Variants in LRRC4C observed in about 807,000 individuals in gnomAD.
LRRC4C encodes leucine rich repeat containing 4C.
A neutral mutation model predicts 33.6 loss-of-function variants in LRRC4C; 5 were observed. The observed-to-expected ratio is 0.15, with a 90% CI of 0.08 to 0.31. LRRC4C has a LOEUF of 0.31. Ranked by LOEUF, LRRC4C falls within the 10% of genes least tolerant of loss-of-function variation. The pLI, the probability that LRRC4C is intolerant of heterozygous loss-of-function variation, is 1.00. For synonymous variants in LRRC4C, 329 were observed against 302.0 expected (o/e 1.09, Z -0.93); for missense variants, 560 against 796.7 (o/e 0.70, Z 3.58).
At chr11:41,272,625 G>T (rs960807750) in intron 1 of LRRC4C, among the ~76,000 whole-genome samples, 5 of 151,886 alleles carry the variant, frequency 3.3e-5, no homozygotes, top group African/African-American at 9.7e-5. Flanking sequence ...TTCATAGCAC[G>T]TATTAAAAAA....
intron 1 of LRRC4C, among the ~76,000 whole-genome samples, chr11:41,296,940 G>A (rs1385416015): frequency 3.3e-5 from 5 of 152,166 alleles, no homozygotes; most frequent in Admixed American, 6.5e-5. Context: ...CAGTGAGAAA[G>A]TCCACACTTT....
At chr11:40,912,854 C>G (rs1325719802) in intron 2 of LRRC4C, among the ~76,000 whole-genome samples, 2 of 152,066 alleles carry the variant, frequency 1.3e-5, no homozygotes, top group Non-Finnish European at 2.9e-5. Context: ...GGAGGAAGAT[C>G]TACCAAGCCA....
At chr11:40,732,488 AGTT>A (rs1321511132) in intron 2 of LRRC4C, among the ~76,000 whole-genome samples, 5 of 152,190 alleles carry the variant, frequency 3.3e-5, no homozygotes, top group Admixed American at 6.5e-5. Flanking sequence ...AAATTCAAGC[AGTT>A]GTTATTGAGT....
At chr11:41,091,981 A>C (rs1044756246) in intron 1 of LRRC4C, among the ~76,000 whole-genome samples, 6 of 152,162 alleles carry the variant, frequency 3.9e-5, no homozygotes, top group African/African-American at 1.4e-4. Flanking sequence ...AATATGCAGA[A>C]TAAAGATTGA....
At chr11:40,837,817 T>A (rs1952740391) in intron 2 of LRRC4C, among the ~76,000 whole-genome samples, 1 of 151,730 alleles carries the variant, frequency 6.6e-6, no homozygotes, top group Non-Finnish European at 1.5e-5. Context: ...ATGACTGCAC[T>A]GCCACCTGGG....
intron 2 of LRRC4C, among the ~76,000 whole-genome samples, chr11:40,913,702 C>G (rs942847689): frequency 1.3e-5 from 2 of 151,982 alleles, no homozygotes; most frequent in South Asian, 2.1e-4. Context: ...AAGATCAGAG[C>G]AGAACTGAAG....
At chr11:40,296,173 A>G (rs1007581271) in intron 4 of LRRC4C, among the ~76,000 whole-genome samples, 4 of 152,196 alleles carry the variant, frequency 2.6e-5, no homozygotes, top group Admixed American at 2.6e-4. Flanking sequence ...CCAAAATGGA[A>G]AAAGGAACAG....
chr11:40,636,563 T>G (rs991520662), intron 3 of LRRC4C, among the ~76,000 whole-genome samples: 2 of 152,182 alleles, frequency 1.3e-5, no homozygotes, highest in East Asian at 3.9e-4. Flanking sequence ...AGGATTTAAC[T>G]GTCAATGTTC....
At chr11:41,206,706 G>T (rs1405683893) in intron 1 of LRRC4C, among the ~76,000 whole-genome samples, 1 of 152,162 alleles carries the variant, frequency 6.6e-6, no homozygotes, top group Non-Finnish European at 1.5e-5. Flanking sequence ...GTATCAGAGA[G>T]AAGACAAACA....
At chr11:40,479,604 T>C (rs1953435855) in intron 3 of LRRC4C, among the ~76,000 whole-genome samples, 1 of 152,198 alleles carries the variant, frequency 6.6e-6, no homozygotes, top group South Asian at 2.1e-4. Flanking sequence ...CAGGTTAAGC[T>C]GCCGAGGGAG....
intron 3 of LRRC4C, among the ~76,000 whole-genome samples, chr11:40,591,417 A>G (rs1959053107): frequency 6.6e-6 from 1 of 152,124 alleles, no homozygotes; most frequent in South Asian, 2.1e-4. Flanking sequence ...CCTCAGATGG[A>G]AATGCAGAAA....
At chr11:40,679,943 C>G (rs1944594958) in intron 2 of LRRC4C, among the ~76,000 whole-genome samples, 1 of 152,146 alleles carries the variant, frequency 6.6e-6, no homozygotes, top group South Asian at 2.1e-4. Flanking sequence ...GCACCACACA[C>G]CTGGAACAGC....
chr11:41,147,667 AC>A (rs1943788107), intron 1 of LRRC4C, among the ~76,000 whole-genome samples: 1 of 152,226 alleles, frequency 6.6e-6, no homozygotes, highest in Admixed American at 6.5e-5. Context: ...AGATTTTTTC[AC>A]TACCTAAACC....
intron 1 of LRRC4C, among the ~76,000 whole-genome samples, chr11:41,165,678 T>C (rs1944689100): frequency 6.6e-6 from 1 of 152,144 alleles, no homozygotes; most frequent in East Asian, 1.9e-4. Flanking sequence ...CCATAATGTT[T>C]AACCCAGCAC....
At chr11:40,308,463 A>T (rs759109160) in intron 4 of LRRC4C, among the ~76,000 whole-genome samples, 1 of 152,348 alleles carries the variant, frequency 6.6e-6, no homozygotes, top group South Asian at 2.1e-4. Context: ...TGTCTCATAC[A>T]TGGCAAAAGG....
chr11:41,031,169 G>A (rs1856708284), intron 1 of LRRC4C, among the ~76,000 whole-genome samples: 1 of 151,950 alleles, frequency 6.6e-6, no homozygotes, highest in African/African-American at 2.4e-5. Context: ...AAAATGGCTA[G>A]TAGGTATTTG....
At chr11:41,266,833 A>G (rs2136791580) in intron 1 of LRRC4C, among the ~76,000 whole-genome samples, 1 of 152,244 alleles carries the variant, frequency 6.6e-6, no homozygotes, top group South Asian at 2.1e-4. Context: ...TAATGATCTA[A>G]TTTAGGCAAG....
chr11:41,079,103 A>G (rs542395187), intron 1 of LRRC4C, among the ~76,000 whole-genome samples: 3 of 152,254 alleles, frequency 2.0e-5, no homozygotes, highest in African/African-American at 7.2e-5. Context: ...CACCTTTACG[A>G]TTGTCTAAAA....
chr11:40,336,976 C>CAAAAAAAA (rs34144874), intron 3 of LRRC4C, among the ~76,000 whole-genome samples: 8 of 79,254 alleles, frequency 1.0e-4, no homozygotes, highest in African/African-American at 4.7e-4. Flanking sequence ...GACTTCGTCT[C>CAAAAAAAA]AAAAAAAAAA....
Sources: allele counts gnomAD v4.1 joint callset (sites outside exome capture counted in the v4.1 genomes callset), GRCh38; gene constraint gnomAD v4.1.1; transcripts MANE v1.5; gene names NCBI Gene and HGNC (gene_info 2026-07-23, HGNC 2026-07-21).